DLGAP1: variants seen among roughly 807,000 people sequenced by gnomAD.
DLGAP1 encodes DLG associated protein 1.
DLGAP1 carries 11 observed loss-of-function variants against 90.8 expected under a neutral mutation model. The ratio of observed to expected loss-of-function variants is 0.12; its 90% CI spans 0.08 to 0.20. DLGAP1 has a LOEUF of 0.20. DLGAP1 is among the 10% of genes least tolerant of loss of function. DLGAP1 has a pLI of 1.00. For synonymous variants in DLGAP1, 558 were observed against 540.7 expected (o/e 1.03, Z -0.44); for missense variants, 1,050 against 1,333.8 (o/e 0.79, Z 3.31).
chr18:3,525,468 C>T (rs542164951), intron 10 of DLGAP1, among the ~76,000 whole-genome samples: 2 of 152,218 alleles, frequency 1.3e-5, no homozygotes, highest in South Asian at 2.1e-4. Context: ...GGCGTGATCT[C>T]GGCTCACTGC....
At position 3,565,818 on chromosome 18, in the gene DLGAP1, G is replaced by A. The variant is rs772687214; in HGVS notation, c.2057+1672C>T. Reference sequence around the variant, plus strand: ...CCACTGCACCCCAGCCTGGGCGACAGAGTGAGACTCTGTCTCAAAAAAACC... The same window carrying A: ...CCACTGCACCCCAGCCTGGGCGACAAAGTGAGACTCTGTCTCAAAAAAACC... On this transcript the variant is annotated intron_variant, in intron 9 of 12. Transcript: ENST00000315677. The surrounding 1 kb of genome is among the most constrained non-coding windows in gnomAD (Gnocchi z 4.0). 7.2e-5 allele frequency among the ~76,000 whole-genome samples: 11 copies of A among 151,952 alleles called. No homozygotes were observed. The highest frequency in any genetic ancestry group is 1.3e-4 in the Non-Finnish European group (9 of 68,012).
At chr18:4,095,531 G>A (rs2075663350) in intron 2 of DLGAP1, among the ~76,000 whole-genome samples, 1 of 152,094 alleles carries the variant, frequency 6.6e-6, no homozygotes, top group Non-Finnish European at 1.5e-5. Flanking sequence ...GTTATATAAA[G>A]AATATAGGAG....
At chr18:4,013,509 A>T (rs2074466380) in intron 2 of DLGAP1, 1 of 152,240 alleles carries the variant, frequency 6.6e-6, no homozygotes. Context: ...TAGTCAATGT[A>T]GGCAGTTGTC....
chr18:3,824,056 GT>G (rs1447777250), intron 4 of DLGAP1, among the ~76,000 whole-genome samples: 2 of 147,878 alleles, frequency 1.4e-5, no homozygotes, highest in Non-Finnish European at 3.0e-5. Flanking sequence ...CCCCTTTTTA[GT>G]TTTTAAGATA....
chr18:3,980,433 G>C (rs976855801), intron 3 of DLGAP1, among the ~76,000 whole-genome samples: 1 of 152,146 alleles, frequency 6.6e-6, no homozygotes, highest in South Asian at 2.1e-4. Flanking sequence ...AAGTGCTTAC[G>C]GCATTATAAT....
intron 4 of DLGAP1, among the ~76,000 whole-genome samples, chr18:3,855,707 C>T (rs539862397): frequency 1.1e-4 from 16 of 152,136 alleles, no homozygotes; most frequent in South Asian, 2.1e-4. Flanking sequence ...TCCACCTCCC[C>T]GGTACAAGCA....
At chr18:3,942,132 T>C (rs908081007) in intron 3 of DLGAP1, among the ~76,000 whole-genome samples, 4 of 152,196 alleles carry the variant, frequency 2.6e-5, no homozygotes, top group Admixed American at 1.3e-4. Context: ...ATCCCAACTT[T>C]GTGACCTGAA....
chr18:3,508,713 AT>A, intron 10 of DLGAP1, 52 bp from the exon 11 acceptor site: 1 of 1,457,232 alleles, frequency 6.9e-7, no homozygotes, highest in South Asian at 1.2e-5. Context: ...CATTGTTGAG[AT>A]TTAGTCTGGT....
intron 2 of DLGAP1, among the ~76,000 whole-genome samples, chr18:4,042,395 G>A (rs1813660339): frequency 6.6e-6 from 1 of 152,114 alleles, no homozygotes; most frequent in Non-Finnish European, 1.5e-5. Context: ...ACTTTATCAA[G>A]TTTGTATCTG....
chr18:4,069,272 T>G (rs143213434), intron 2 of DLGAP1, among the ~76,000 whole-genome samples: 63 of 152,316 alleles, frequency 4.1e-4, no homozygotes, highest in Middle Eastern at 6.8e-3. Context: ...CTTGATTAAG[T>G]GAATGAGAGT....
chr18:3,782,915 A>G (rs1181099371), intron 5 of DLGAP1, among the ~76,000 whole-genome samples: 1 of 152,224 alleles, frequency 6.6e-6, no homozygotes, highest in Non-Finnish European at 1.5e-5. Context: ...CTGATAAAGA[A>G]CTTATATCTA....
chr18:4,079,691 A>AATATATATATATATATATATATATAT (rs10597845), intron 2 of DLGAP1, among the ~76,000 whole-genome samples: 1 of 146,578 alleles, frequency 6.8e-6, no homozygotes, highest in African/African-American at 2.5e-5. Context: ...ATTGAAATTA[A>AATATATATATATATATATATATATAT]ATATATATAT....
intron 1 of DLGAP1, among the ~76,000 whole-genome samples, chr18:4,152,697 C>T (rs953375324): frequency 1.3e-5 from 2 of 152,140 alleles, no homozygotes; most frequent in South Asian, 2.1e-4. Context: ...GATAATAATA[C>T]ACAGGAGGAA....
At chr18:4,182,777 C>A (rs1209493098) in intron 1 of DLGAP1, among the ~76,000 whole-genome samples, 1 of 152,134 alleles carries the variant, frequency 6.6e-6, no homozygotes, top group Admixed American at 6.6e-5. Context: ...CTAGCACCTA[C>A]AAAGGATAGT....
rs567744560 is a variant in DLGAP1 at position 3,522,282 on chromosome 18, G to A, written c.2479+11912C>T. On this transcript the variant is annotated intron_variant, in intron 10 of 12. Transcript: ENST00000315677. The stretch of plus-strand genomic sequence containing the variant: ...CTCCCGAGTAGCTGGGATTACATGC[G>A]CGTGCCACCACGCCCAGCTAATTTT... 1.1e-4 allele frequency among the ~76,000 whole-genome samples: 17 copies of A among 151,628 alleles called. No homozygotes were observed. In the East Asian group the frequency reaches 1.2e-3, roughly 10 times the overall value.
At chr18:3,554,788 G>C (rs530402240) in intron 9 of DLGAP1, among the ~76,000 whole-genome samples, 13 of 152,272 alleles carry the variant, frequency 8.5e-5, no homozygotes, top group Non-Finnish European at 1.6e-4. Flanking sequence ...AGATCAATCA[G>C]TTAGGTGGGC....
intron 9 of DLGAP1, among the ~76,000 whole-genome samples, chr18:3,559,958 G>A (rs1045684913): frequency 6.6e-6 from 1 of 151,894 alleles, no homozygotes; most frequent in Non-Finnish European, 1.5e-5. Context: ...CACTTCACAG[G>A]TTTTGCGAGT....
intron 7 of DLGAP1, among the ~76,000 whole-genome samples, chr18:3,628,076 A>C (rs2058370944): frequency 6.6e-6 from 1 of 150,546 alleles, no homozygotes; most frequent in African/African-American, 2.4e-5. Flanking sequence ...GGCTTTCACT[A>C]TGTTGGCCAG....
At chr18:4,113,015 T>C (rs2076000885) in intron 2 of DLGAP1, among the ~76,000 whole-genome samples, 2 of 152,318 alleles carry the variant, frequency 1.3e-5, no homozygotes, top group East Asian at 1.9e-4. Context: ...CCATTGCTGA[T>C]GGGCAACTAG....
Sources: gnomAD v4.1 joint callset for allele counts (sites outside exome capture counted in the v4.1 genomes callset) on GRCh38, gnomAD v4.1.1 for gene constraint, Gnocchi (gnomAD v3.1) non-coding constraint, MANE v1.5 for transcripts, NCBI Gene and HGNC (gene_info 2026-07-23, HGNC 2026-07-21) for gene names.